Variants in UMAD1 observed in about 807,000 individuals in gnomAD.
UMAD1 encodes the protein UBAP1-MVB12-associated (UMA)-domain containing protein 1.
In UMAD1, 8 loss-of-function variants were observed where a neutral mutation model predicts 6.1. The observed-to-expected ratio is 1.30, with a 90% confidence interval of 0.76 to 2.35. The LOEUF is 2.35. Among genes scored for constraint, UMAD1 ranks in the 30% most tolerant of loss-of-function variants. UMAD1 has a pLI of 0.00. For synonymous variants in UMAD1, 56 were observed against 31.4 expected (o/e 1.78, Z -2.61); for missense variants, 130 against 78.4 (o/e 1.66, Z -2.49).
chr7:7,658,243 A>C (rs1583701640), intron 1 of UMAD1, among the ~76,000 whole-genome samples: 1 of 152,374 alleles, frequency 6.6e-6, no homozygotes, highest in South Asian at 2.1e-4. Context: ...ATATACAATC[A>C]TGTCATCTGC....
chr7:7,668,105 G>A (rs1045903453), intron 1 of UMAD1, among the ~76,000 whole-genome samples: 9 of 151,820 alleles, frequency 5.9e-5, no homozygotes, highest in Non-Finnish European at 1.0e-4. Context: ...GTAGAGACAC[G>A]ATTTCGTCAT....
chr7:7,763,204 TTTATTTAATTAAAGCCA>T, intron 2 of UMAD1, among the ~76,000 whole-genome samples: 5 of 152,206 alleles, frequency 3.3e-5, no homozygotes, highest in Non-Finnish European at 5.9e-5. Flanking sequence ...TGAAGTGCTT[TTTATTTAATTAAAGCCA>T]ATGACATTTT....
At chr7:7,733,279 C>T (rs561970387) in intron 2 of UMAD1, among the ~76,000 whole-genome samples, 9 of 152,180 alleles carry the variant, frequency 5.9e-5, no homozygotes, top group African/African-American at 1.2e-4. Flanking sequence ...TTCAAAGATA[C>T]CACTAGGCTT....
At chr7:7,806,904 G>A (rs187234648) in intron 3 of UMAD1, among the ~76,000 whole-genome samples, 14 of 152,278 alleles carry the variant, frequency 9.2e-5, no homozygotes, top group East Asian at 1.9e-4. Context: ...AATAACATTT[G>A]TAGTTGCCAA....
intron 3 of UMAD1, among the ~76,000 whole-genome samples, chr7:7,872,737 C>T (rs1183080975): frequency 6.6e-6 from 1 of 152,132 alleles, no homozygotes; most frequent in African/African-American, 2.4e-5. Context: ...CCTATACCTC[C>T]ACTTTAGTGC....
intron 3 of UMAD1, among the ~76,000 whole-genome samples, chr7:7,866,543 A>G (rs1050226799): frequency 1.3e-5 from 2 of 152,248 alleles, no homozygotes; most frequent in African/African-American, 4.8e-5. Context: ...AAGTAATTCA[A>G]TGAGCCAAGG....
At chr7:7,788,958 A>G (rs1345614239) in intron 2 of UMAD1, among the ~76,000 whole-genome samples, 2 of 152,206 alleles carry the variant, frequency 1.3e-5, no homozygotes, top group Non-Finnish European at 2.9e-5. Flanking sequence ...AATACTTTAT[A>G]TTTTAAATTT....
chr7:7,690,392 T>C (rs1185394486), intron 2 of UMAD1, among the ~76,000 whole-genome samples: 1 of 152,116 alleles, frequency 6.6e-6, no homozygotes, highest in African/African-American at 2.4e-5. Context: ...AAACCAAGTA[T>C]ATATTATGTT....
intron 2 of UMAD1, among the ~76,000 whole-genome samples, chr7:7,693,428 A>C (rs920045366): frequency 1.3e-5 from 2 of 152,146 alleles, no homozygotes; most frequent in Non-Finnish European, 2.9e-5. Flanking sequence ...AGTAATGTAT[A>C]GACTTTCCAA....
At chr7:7,764,234 T>C (rs1015227500) in intron 2 of UMAD1, among the ~76,000 whole-genome samples, 1 of 152,062 alleles carries the variant, frequency 6.6e-6, no homozygotes, top group Non-Finnish European at 1.5e-5. Flanking sequence ...GAAGCAGAAA[T>C]CTCTTACAAA....
chr7:7,835,609 T>C (rs1191171056), intron 3 of UMAD1, among the ~76,000 whole-genome samples: 1 of 151,498 alleles, frequency 6.6e-6, no homozygotes, highest in African/African-American at 2.4e-5. Flanking sequence ...CTAATAGTAG[T>C]AAGTGCTATG....
chr7:7,820,143 T>C (rs1783213558), intron 3 of UMAD1, among the ~76,000 whole-genome samples: 1 of 151,976 alleles, frequency 6.6e-6, no homozygotes. Flanking sequence ...TTTTCCTCAA[T>C]TCAGTTAAGG....
intron 2 of UMAD1, among the ~76,000 whole-genome samples, chr7:7,751,276 T>C (rs767810880): frequency 2.0e-5 from 3 of 152,176 alleles, no homozygotes; most frequent in African/African-American, 4.8e-5. Context: ...AATGAATGTG[T>C]GGGGCAAATA....
rs368986852 is a variant in UMAD1 at position 7,754,391 on chromosome 7, A to G, written c.83-47279A>G. Among the ~76,000 whole-genome samples, 117 of 152,168 alleles carry G rather than the reference A, an allele frequency of 7.7e-4. 1 individual carries two copies. The South Asian group carries it at 0.014, about 18-fold the overall frequency. The stretch of plus-strand genomic sequence containing the variant: ...GTACCTTTTTATGTGCCTGCTTGCC[A>G]TTTGCATGTCTTCTTTTGAGAAATG... On this transcript the variant is annotated intron_variant, in intron 2 of 3. Coordinates refer to ENST00000682710, the MANE Select transcript of UMAD1 (RefSeq NM_001302348.2).
intron 1 of UMAD1, among the ~76,000 whole-genome samples, chr7:7,663,406 C>T (rs1197945238): frequency 2.0e-5 from 3 of 152,074 alleles, no homozygotes; most frequent in African/African-American, 7.2e-5. Context: ...TGAAAAGTGA[C>T]ATCAGTTTAA....
chr7:7,745,098 A>T lies in UMAD1; in HGVS notation c.83-56572A>T, dbSNP rs145087907. Among the ~76,000 whole-genome samples the T allele has an allele frequency of 1.7e-3, 264 of 152,354 alleles. 2 individuals carry two copies. Among genetic ancestry groups the T allele is most frequent in the African/African-American group, 6.0e-3 (248 of 41,584 alleles). ...CATAAAGCAAGCTAGAGAAAAAAAG[A>T]TGTTATTAAGAAAAACATAGAGAAG... On this transcript the variant is annotated intron_variant, in intron 2 of 3. Transcript: ENST00000682710.
intron 3 of UMAD1, among the ~76,000 whole-genome samples, chr7:7,820,991 G>A (rs1011690145): frequency 6.6e-6 from 1 of 152,164 alleles, no homozygotes; most frequent in African/African-American, 2.4e-5. Flanking sequence ...AATATGTTAA[G>A]TACTAGTTAT....
chr7:7,874,401 CAAT>C (rs1381124409), intron 3 of UMAD1, among the ~76,000 whole-genome samples: 1 of 152,210 alleles, frequency 6.6e-6, no homozygotes, highest in African/African-American at 2.4e-5. Flanking sequence ...ACCTTTCCAA[CAAT>C]ATGTTCTTCA....
intron 2 of UMAD1, among the ~76,000 whole-genome samples, chr7:7,778,435 T>G (rs1782270867): frequency 6.7e-6 from 1 of 149,790 alleles, no homozygotes; most frequent in Non-Finnish European, 1.5e-5. Flanking sequence ...TTCTTTCTTT[T>G]CTTTTTTTTT....
Sources: allele counts gnomAD v4.1 joint callset (sites outside exome capture counted in the v4.1 genomes callset), GRCh38; gene constraint gnomAD v4.1.1; transcripts MANE v1.5; gene names NCBI Gene and HGNC (gene_info 2026-07-23, HGNC 2026-07-21).